The following PKP4 variants were observed in gnomAD, a reference collection of about 807,000 sequenced individuals.
PKP4 encodes the protein plakophilin-4.
Under a neutral mutation model 145.1 loss-of-function variants are expected in PKP4, and 90 were observed. The ratio of observed to expected loss-of-function variants is 0.62; its 90% confidence interval spans 0.52 to 0.74. The LOEUF is 0.74. PKP4 is among the 30% of genes least tolerant of loss of function. The probability of loss-of-function intolerance (pLI) is 0.00; values close to 1 mark genes in which losing one functional copy is unlikely to be tolerated. For synonymous variants in PKP4, 563 were observed against 577.2 expected, an observed-to-expected ratio of 0.98 and a Z score of 0.35; for missense variants, 1,340 against 1,482.7, an observed-to-expected ratio of 0.90 and a Z score of 1.58.
chr2:158,662,767 T>G (rs1256716969), intron 13 of PKP4, 130 bp from the exon 14 acceptor site: 1 of 670,378 alleles, frequency 1.5e-6, no homozygotes, highest in Non-Finnish European at 2.4e-6. Flanking sequence ...TCAGATTGTT[T>G]CAAGTTCTCA....
At chr2:158,572,851 A>C (rs1217637554) in intron 2 of PKP4, among the ~76,000 whole-genome samples, 1 of 152,268 alleles carries the variant, frequency 6.6e-6, no homozygotes, top group Non-Finnish European at 1.5e-5. Context: ...CCAGAATGCC[A>C]GCTGATGTCA....
At position 158,631,849 on chromosome 2, in the gene PKP4, G is replaced by A. The variant is rs1456224954; in HGVS notation, c.1250G>A (p.Gly417Glu). The A allele has an allele frequency of 1.2e-6, 2 of 1,614,090 alleles. No homozygotes were observed. The highest frequency in any genetic ancestry group is 2.2e-5 in the South Asian group (2 of 91,076). ...TTGCACATTACTCCTATATATGAGG[G>A]GAGGACCTATTACAGCCCAGTGTAC... Reference protein sequence around the residue: ...PDLHITPIYEGRTYYSPVYRS... With the variant: ...PDLHITPIYEERTYYSPVYRS... The change falls in exon 8 of 22, where the codon GGG becomes GAG. Residue 417 changes from glycine to glutamate, a missense_variant. Transcript: ENST00000389759.
chr2:158,557,052 G>A (rs1045764438), intron 2 of PKP4, among the ~76,000 whole-genome samples: 2 of 130,716 alleles, frequency 1.5e-5, no homozygotes, highest in Non-Finnish European at 3.4e-5. Flanking sequence ...CATCTACTTG[G>A]TGTAGCCTTA....
chr2:158,656,250 C>T (rs1488828795), intron 11 of PKP4, among the ~76,000 whole-genome samples: 2 of 152,212 alleles, frequency 1.3e-5, no homozygotes, highest in Middle Eastern at 3.4e-3. Flanking sequence ...AAAACCATTG[C>T]CCAAAAGCAC....
chr2:158,558,646 A>G (rs747727854), intron 2 of PKP4, among the ~76,000 whole-genome samples: 1 of 152,186 alleles, frequency 6.6e-6, no homozygotes, highest in Non-Finnish European at 1.5e-5. Context: ...TGAGACCTGA[A>G]TAAGTGGAGA....
At chr2:158,458,947 T>G (rs71421077) in intron 1 of PKP4, among the ~76,000 whole-genome samples, 1 of 150,492 alleles carries the variant, frequency 6.6e-6, no homozygotes, top group Non-Finnish European at 1.5e-5. Flanking sequence ...AAAAAAAAAA[T>G]AAATGCTGCC....
intron 8 of PKP4, among the ~76,000 whole-genome samples, 167 bp downstream of exon 8, chr2:158,632,108 A>G (rs528379568): frequency 4.6e-5 from 7 of 152,186 alleles, no homozygotes; most frequent in Non-Finnish European, 7.3e-5. Context: ...TTCATTTAGT[A>G]CCTATTTATA....
At chr2:158,587,006 A>G (rs2048858244) in intron 3 of PKP4, among the ~76,000 whole-genome samples, 2 of 152,192 alleles carry the variant, frequency 1.3e-5, no homozygotes, top group South Asian at 2.1e-4. Context: ...TGAGTAATAG[A>G]ATCTTTTTTG....
At chr2:158,464,486 C>G (rs916693099) in intron 1 of PKP4, among the ~76,000 whole-genome samples, 4 of 152,126 alleles carry the variant, frequency 2.6e-5, no homozygotes, top group Non-Finnish European at 5.9e-5. Context: ...CCGTATAGAA[C>G]TCTAGTATGT....
intron 3 of PKP4, among the ~76,000 whole-genome samples, chr2:158,599,509 T>C (rs1327795482): frequency 6.6e-6 from 1 of 152,204 alleles, no homozygotes; most frequent in Non-Finnish European, 1.5e-5. Context: ...ATAATTTCAA[T>C]ACGTTGAATC....
intron 2 of PKP4, among the ~76,000 whole-genome samples, chr2:158,561,911 A>G (rs886378303): frequency 2.0e-5 from 3 of 151,536 alleles, no homozygotes; most frequent in African/African-American, 7.3e-5. Flanking sequence ...ATTTCTCCCA[A>G]TGCCATCCCT....
Position 158,631,845 on chromosome 2 carries a change from G to A in PKP4, c.1246G>A (p.Glu416Lys). ...SPDLHITPIYEGRTYYSPVYR... is the reference protein window; with the variant it reads ...SPDLHITPIYKGRTYYSPVYR... ...CGACTTGCACATTACTCCTATATAT[G>A]AGGGGAGGACCTATTACAGCCCAGT... The change falls in exon 8 of 22, where the codon GAG (glutamate) becomes AAG (lysine). Residue 416 changes from glutamate (E) to lysine (K), a missense_variant. Glu to Lys is a moderately conservative substitution (Grantham distance 56). Transcript: ENST00000389759. The A allele has an allele frequency of 6.2e-7, 1 of 1,614,112 alleles. No homozygotes were observed. The highest frequency in any genetic ancestry group is 8.5e-7 in the Non-Finnish European group (1 of 1,179,976).
At chr2:158,677,086 G>C in intron 20 of PKP4, 1 of 565,898 alleles carries the variant, frequency 1.8e-6, no homozygotes, top group East Asian at 3.4e-5. Flanking sequence ...TATGTATGTA[G>C]TTGTACGGTG....
intron 2 of PKP4, among the ~76,000 whole-genome samples, chr2:158,552,426 G>A (rs1482282023): frequency 1.3e-5 from 2 of 152,178 alleles, no homozygotes; most frequent in African/African-American, 4.8e-5. Context: ...GGAGTCTGCT[G>A]TAACAAATAC....
intron 1 of PKP4, among the ~76,000 whole-genome samples, chr2:158,485,165 C>T (rs1239679536): frequency 2.0e-5 from 3 of 152,136 alleles, no homozygotes; most frequent in Non-Finnish European, 4.4e-5. Flanking sequence ...GACAGCCTGG[C>T]CTGTATACAA....
chr2:158,467,582 G>A (rs1012009075), intron 1 of PKP4, among the ~76,000 whole-genome samples: 7 of 149,446 alleles, frequency 4.7e-5, no homozygotes, highest in Admixed American at 2.7e-4. Flanking sequence ...ACGGTGGCTC[G>A]CTCCTGTAAT....
intron 2 of PKP4, 98 bp downstream of exon 2, chr2:158,533,414 G>A (rs543249914): frequency 1.2e-5 from 17 of 1,380,088 alleles, no homozygotes; most frequent in African/African-American, 8.6e-5. Context: ...CGTCCTTGAC[G>A]CCTTCACGTT....
At chr2:158,579,991 C>G (rs370559513) in intron 3 of PKP4, among the ~76,000 whole-genome samples, 75 of 151,960 alleles carry the variant, frequency 4.9e-4, no homozygotes, top group African/African-American at 1.7e-3. Context: ...GATAGTGGAA[C>G]CTCTAGAAAG....
chr2:158,582,245 G>A (rs1228297149), intron 3 of PKP4, among the ~76,000 whole-genome samples: 2 of 152,124 alleles, frequency 1.3e-5, no homozygotes, highest in Non-Finnish European at 2.9e-5. Flanking sequence ...CATTTATATT[G>A]AGTAGCATAT....
Sources: gnomAD v4.1 joint callset for allele counts (sites outside exome capture counted in the v4.1 genomes callset) on GRCh38, gnomAD v4.1.1 for gene constraint, MANE v1.5 for transcripts, NCBI Gene and HGNC (gene_info 2026-07-23, HGNC 2026-07-21) for gene names.